CSGALNACT1: variants seen among roughly 807,000 people sequenced by gnomAD.
CSGALNACT1 encodes beta4GalNAcT-1.
A neutral mutation model predicts 51.0 loss-of-function variants in CSGALNACT1; 52 were observed. The ratio of observed to expected loss-of-function variants is 1.02; its 90% CI spans 0.82 to 1.29. The LOEUF (loss-of-function observed/expected upper bound fraction) is 1.29. Among genes scored for constraint, CSGALNACT1 ranks in the 50% most tolerant of loss-of-function variants. The probability of loss-of-function intolerance (pLI) is 0.00; values close to 1 mark genes in which losing one functional copy is unlikely to be tolerated. For missense variants in CSGALNACT1, 935 were observed against 679.2 expected, an observed-to-expected ratio of 1.38 and a Z score of -4.19; for synonymous variants, 341 against 254.4, an observed-to-expected ratio of 1.34 and a Z score of -3.24.
At chr8:19,632,020 T>C (rs2154170408) in intron 1 of CSGALNACT1, among the ~76,000 whole-genome samples, 1 of 152,378 alleles carries the variant, frequency 6.6e-6, no homozygotes, top group South Asian at 2.1e-4. Flanking sequence ...AATTTTCAAA[T>C]AGTGGAAGAT....
At chr8:19,690,176 T>C (rs1353856144) in intron 1 of CSGALNACT1, among the ~76,000 whole-genome samples, 3 of 152,246 alleles carry the variant, frequency 2.0e-5, no homozygotes, top group Non-Finnish European at 4.4e-5. Context: ...TTTCCTAATA[T>C]TGAGTGGACA....
At position 19,505,925 on chromosome 8, in the gene CSGALNACT1, ATGCGTT is replaced by A. The variant is rs2077251361; in HGVS notation, c.-97_-92del. On this transcript the variant is annotated 5_prime_UTR_variant, in exon 4 of 10. The change creates a new upstream start codon in the 5' untranslated region. Transcript: ENST00000454498. ...TTCCCTGGGCTAGACCACAGGAAGCATGCGTTTGGGGCCCCCGGAGCTGCTTGCATC... is the reference window on the plus strand; with the variant it reads ...TTCCCTGGGCTAGACCACAGGAAGCATGGGGCCCCCGGAGCTGCTTGCATC... 3.9e-6 allele frequency: 6 copies of A among 1,542,500 alleles called. No homozygotes were observed. In the African/African-American group the frequency reaches 5.4e-5, roughly 14 times the overall value.
chr8:19,444,116 C>G (rs540626724), intron 5 of CSGALNACT1, among the ~76,000 whole-genome samples: 1 of 152,196 alleles, frequency 6.6e-6, no homozygotes, highest in Non-Finnish European at 1.5e-5. Context: ...TAGTTCCTAA[C>G]AGGCCACAGA....
intron 3 of CSGALNACT1, among the ~76,000 whole-genome samples, chr8:19,527,841 C>A (rs138329674): frequency 2.6e-5 from 4 of 151,976 alleles, no homozygotes; most frequent in East Asian, 1.9e-4. Flanking sequence ...AGCATCCAGG[C>A]GGAGATGGTG....
At chr8:19,408,618 T>C (rs2054865251) in exon 9 of CSGALNACT1, 2 of 1,613,762 alleles carry the variant, frequency 1.2e-6, no homozygotes, top group Admixed American at 1.7e-5. Flanking sequence ...CCTACCTATA[T>C]TGATGAAGTC....
intron 1 of CSGALNACT1, among the ~76,000 whole-genome samples, chr8:19,633,773 G>C (rs1308951728): frequency 1.3e-5 from 2 of 152,176 alleles, no homozygotes; most frequent in African/African-American, 4.8e-5. Flanking sequence ...GTAGTGATTT[G>C]TTATAGCAAC....
chr8:19,533,433 C>T (rs777841966), intron 3 of CSGALNACT1, among the ~76,000 whole-genome samples: 6 of 151,868 alleles, frequency 4.0e-5, no homozygotes, highest in Non-Finnish European at 7.4e-5. Flanking sequence ...TTAATTTATC[C>T]TAATTTAATT....
At chr8:19,530,812 G>C (rs2154054249) in intron 3 of CSGALNACT1, among the ~76,000 whole-genome samples, 1 of 152,318 alleles carries the variant, frequency 6.6e-6, no homozygotes, top group Non-Finnish European at 1.5e-5. Flanking sequence ...TTTCTAATGA[G>C]AAAGGGACTG....
rs558062200 is a variant in CSGALNACT1 at position 19,750,444 on chromosome 8, A to C, written c.-297+7406T>G. On this transcript the variant is annotated intron_variant, in intron 1 of 1. Coordinates refer to the CSGALNACT1 transcript ENST00000517494. ...CAGCGGGGAAGAGGGAAGGGAAGGG[A>C]GAGGTTGAGAGGAGACAGATGAGAA... Among the ~76,000 whole-genome samples the C allele has an allele frequency of 6.0e-4, 92 of 152,286 alleles. 1 individual carries two copies. Among genetic ancestry groups the C allele is most frequent in the Middle Eastern group, 3.4e-3 (1 of 292 alleles).
chr8:19,510,731 C>T (rs1420003446), intron 3 of CSGALNACT1, among the ~76,000 whole-genome samples: 1 of 152,174 alleles, frequency 6.6e-6, no homozygotes, highest in Non-Finnish European at 1.5e-5. Context: ...AAATATAATA[C>T]ATTTTAAAAC....
intron 1 of CSGALNACT1, among the ~76,000 whole-genome samples, chr8:19,641,053 G>T (rs905767843): frequency 6.0e-5 from 9 of 150,398 alleles, no homozygotes; most frequent in African/African-American, 2.2e-4. Context: ...TTTCTATTAG[G>T]TCTCTCCTTC....
intron 5 of CSGALNACT1, 44 bp from the exon 5 acceptor site, chr8:19,439,975 T>C: frequency 6.7e-7 from 1 of 1,488,338 alleles, no homozygotes; most frequent in Non-Finnish European, 9.4e-7. Flanking sequence ...GTTTTCACAC[T>C]GACAGGCACA....
At chr8:19,651,182 A>G (rs762741837) in intron 1 of CSGALNACT1, among the ~76,000 whole-genome samples, 1 of 152,182 alleles carries the variant, frequency 6.6e-6, no homozygotes, top group Non-Finnish European at 1.5e-5. Context: ...AAACTTTACA[A>G]AATTCTGGAT....
intron 3 of CSGALNACT1, among the ~76,000 whole-genome samples, chr8:19,571,432 A>G (rs866864157): frequency 1.2e-4 from 18 of 152,010 alleles, no homozygotes; most frequent in African/African-American, 4.4e-4. Context: ...AAAGTCCAGA[A>G]AGCAATTAAG....
chr8:19,494,828 C>A (rs77540963), intron 4 of CSGALNACT1, among the ~76,000 whole-genome samples: 4 of 143,340 alleles, frequency 2.8e-5, no homozygotes, highest in African/African-American at 1.0e-4. Flanking sequence ...AACACTCCAA[C>A]GTTAGAAAGT....
intron 3 of CSGALNACT1, among the ~76,000 whole-genome samples, chr8:19,582,218 C>T (rs940969943): frequency 1.3e-5 from 2 of 152,140 alleles, no homozygotes; most frequent in Admixed American, 1.3e-4. Flanking sequence ...AAATACTGTC[C>T]TGGTGAATGC....
At chr8:19,684,238 G>C (rs1434399260), upstream of CSGALNACT1, among the ~76,000 whole-genome samples, 2 of 151,964 alleles carry the variant, frequency 1.3e-5, no homozygotes, top group Non-Finnish European at 2.9e-5. Flanking sequence ...CAATGCAAGA[G>C]AACAGAAAAT....
intron 3 of CSGALNACT1, among the ~76,000 whole-genome samples, chr8:19,586,407 GAAAA>G (rs34752027): frequency 1.2e-3 from 113 of 94,840 alleles, no homozygotes; most frequent in Admixed American, 3.7e-3. Flanking sequence ...TAGTCTTATA[GAAAA>G]AAAAAAAAAA....
intron 1 of CSGALNACT1, among the ~76,000 whole-genome samples, chr8:19,693,113 C>T (rs574059751): frequency 6.6e-6 from 1 of 152,158 alleles, no homozygotes; most frequent in African/African-American, 2.4e-5. Context: ...ATTCCCTACC[C>T]TTCACCTGCA....
Sources: gnomAD v4.1 joint callset for allele counts (sites outside exome capture counted in the v4.1 genomes callset) on GRCh38, gnomAD v4.1.1 for gene constraint, MANE v1.5 for transcripts, NCBI Gene and HGNC (gene_info 2026-07-23, HGNC 2026-07-21) for gene names.